Variants in NRG4 observed in about 807,000 individuals in gnomAD.
The protein encoded by NRG4 is pro-neuregulin-4, membrane-bound isoform.
NRG4 carries 10 observed loss-of-function variants against 15.0 expected under a neutral mutation model. The observed-to-expected ratio is 0.67, with a 90% CI of 0.41 to 1.13. The LOEUF (loss-of-function observed/expected upper bound fraction) is 1.13. Among genes scored for constraint, NRG4 ranks in the 50% most tolerant of loss-of-function variants. NRG4 has a pLI of 0.00. For synonymous variants in NRG4, 41 were observed against 50.1 expected, an observed-to-expected ratio of 0.82 and a Z score of 0.77; for missense variants, 139 against 140.2, an observed-to-expected ratio of 0.99 and a Z score of 0.04.
At chr15:75,938,356 A>G (rs1173785466), downstream of NRG4, 5 of 152,350 alleles carry the variant, frequency 3.3e-5, no homozygotes, top group East Asian at 9.6e-4. Flanking sequence ...CCATATTATA[A>G]TAGTGAATAT....
intron 2 of NRG4, among the ~76,000 whole-genome samples, chr15:76,009,555 T>C (rs2034732132): frequency 6.6e-6 from 1 of 152,100 alleles, no homozygotes; most frequent in South Asian, 2.1e-4. Flanking sequence ...ATAAGGAATA[T>C]CTATATTAGT....
At chr15:75,967,149 A>G (rs1177190904) in intron 3 of NRG4, among the ~76,000 whole-genome samples, 1 of 151,470 alleles carries the variant, frequency 6.6e-6, no homozygotes, top group Non-Finnish European at 1.5e-5. Context: ...ACAGCCATAT[A>G]ACAACAAACA....
chr15:75,965,384 A>G (rs1412948609), intron 3 of NRG4, among the ~76,000 whole-genome samples: 2 of 152,238 alleles, frequency 1.3e-5, no homozygotes, highest in Non-Finnish European at 2.9e-5. Flanking sequence ...CATACAAAGT[A>G]AACCAAGCAA....
chr15:75,970,454 G>A (rs1012626598), intron 3 of NRG4, among the ~76,000 whole-genome samples: 1 of 152,174 alleles, frequency 6.6e-6, no homozygotes, highest in South Asian at 2.1e-4. Context: ...GAAGACTGGG[G>A]GTGCTACTAT....
Position 75,946,696 on chromosome 15 carries a change from C to T in NRG4, c.332-3042G>A, listed in dbSNP as rs535554065. Among the ~76,000 whole-genome samples, 842 of 152,260 alleles carry T rather than the reference C, an allele frequency of 5.5e-3. 3 individuals are homozygous for T. Among genetic ancestry groups the T allele is most frequent in the Non-Finnish European group, 9.3e-3 (634 of 68,012 alleles). ...TTCATCATCGTAAACTGAAACTCTA[C>T]CCATTAAACAGTAACTCCCTATTCC... On this transcript the variant is annotated intron_variant, in intron 5 of 5. Transcript: ENST00000394907.
At chr15:76,030,979 CTTAAAAAATTAG>C (rs1235899862) in intron 5 of NRG4, among the ~76,000 whole-genome samples, 2 of 152,028 alleles carry the variant, frequency 1.3e-5, no homozygotes, top group East Asian at 3.8e-4. Flanking sequence ...CAAAAAAATC[CTTAAAAAATTAG>C]CAAATCAAAT....
downstream of NRG4, chr15:75,936,667 T>A (rs1215129622): frequency 2.6e-5 from 4 of 152,062 alleles, no homozygotes; most frequent in Non-Finnish European, 5.9e-5. Flanking sequence ...CTCCACCTCC[T>A]GGGTTCAAGT....
chr15:76,001,326 C>T lies in NRG4; in HGVS notation c.104+7874G>A, dbSNP rs117529830. Among the ~76,000 whole-genome samples, 150 of 151,828 alleles carry T rather than the reference C, an allele frequency of 9.9e-4. 1 individual carries two copies. The East Asian group carries it at 0.027, about 27-fold the overall frequency. On this transcript the variant is annotated intron_variant, in intron 3 of 5. Transcript: ENST00000394907. ...TTTTTGTAGCCACATTGAAAAAAAC[C>T]GAAAAGGGTGAAATTATTTGTAGTA...
intron 4 of NRG4, among the ~76,000 whole-genome samples, chr15:76,042,900 A>C (rs773210448): frequency 3.9e-5 from 6 of 152,164 alleles, no homozygotes; most frequent in Non-Finnish European, 7.4e-5. Context: ...TCATGCAAAA[A>C]TCTTCAACAC....
chr15:76,041,622 C>G (rs1193581032), intron 4 of NRG4, among the ~76,000 whole-genome samples: 1 of 151,938 alleles, frequency 6.6e-6, no homozygotes, highest in Non-Finnish European at 1.5e-5. Flanking sequence ...TTCAATTCAG[C>G]AAGAGAATAT....
At chr15:75,966,025 T>G (rs1015984493) in intron 3 of NRG4, among the ~76,000 whole-genome samples, 14 of 152,242 alleles carry the variant, frequency 9.2e-5, no homozygotes, top group Admixed American at 9.2e-4. Flanking sequence ...TGAAGATGGA[T>G]GCTGGAACAG....
chr15:75,971,219 T>C (rs1359865188), intron 3 of NRG4: 1 of 455,912 alleles, frequency 2.2e-6, no homozygotes, highest in South Asian at 1.6e-5. Context: ...TGACATCTAT[T>C]GGTTCCCTCA....
intron 3 of NRG4, among the ~76,000 whole-genome samples, chr15:75,987,043 A>T (rs1447044088): frequency 6.6e-6 from 1 of 152,218 alleles, no homozygotes; most frequent in Non-Finnish European, 1.5e-5. Context: ...ATTACCAAAG[A>T]AACCAAAAGC....
At chr15:75,975,847 TG>T (rs2033341877) in intron 3 of NRG4, among the ~76,000 whole-genome samples, 1 of 152,126 alleles carries the variant, frequency 6.6e-6, no homozygotes, top group South Asian at 2.1e-4. Flanking sequence ...TTGCTCTTCT[TG>T]AGGAGTATCT....
At chr15:75,946,776 T>C (rs1161665818) in intron 5 of NRG4, among the ~76,000 whole-genome samples, 3 of 152,262 alleles carry the variant, frequency 2.0e-5, no homozygotes, top group Non-Finnish European at 2.9e-5. Flanking sequence ...AATTTGCCTA[T>C]TCTAGGTGCC....
chr15:76,003,115 T>C (rs922279728), intron 3 of NRG4, among the ~76,000 whole-genome samples: 1 of 152,178 alleles, frequency 6.6e-6, no homozygotes, highest in Non-Finnish European at 1.5e-5. Context: ...GTAAAGAGTA[T>C]ATTCTCTCAC....
intron 4 of NRG4, among the ~76,000 whole-genome samples, chr15:76,039,186 C>T (rs2035669983): frequency 6.6e-6 from 1 of 152,042 alleles, no homozygotes; most frequent in Non-Finnish European, 1.5e-5. Flanking sequence ...CAATGAATAC[C>T]TAACTCTTCA....
At chr15:76,034,691 A>G (rs917286648) in intron 5 of NRG4, among the ~76,000 whole-genome samples, 1 of 151,334 alleles carries the variant, frequency 6.6e-6, no homozygotes, top group Non-Finnish European at 1.5e-5. Context: ...TGACCTATGA[A>G]CTCTTAAATA....
intron 1 of NRG4, among the ~76,000 whole-genome samples, chr15:76,059,298 T>C (rs980437600): frequency 2.6e-5 from 4 of 152,252 alleles, no homozygotes; most frequent in African/African-American, 9.6e-5. Flanking sequence ...CAAGGCACTC[T>C]GACCGTGCTA....
Sources: allele counts gnomAD v4.1 joint callset (sites outside exome capture counted in the v4.1 genomes callset), GRCh38; gene constraint gnomAD v4.1.1; transcripts MANE v1.5; gene names NCBI Gene and HGNC (gene_info 2026-07-23, HGNC 2026-07-21).